The following EHMT1 variants were observed in gnomAD, a reference collection of about 807,000 sequenced individuals.
EHMT1 encodes the protein histone-lysine N-methyltransferase EHMT1.
A neutral mutation model predicts 147.2 loss-of-function variants in EHMT1; 15 were observed. The observed-to-expected ratio is 0.10, with a 90% CI of 0.07 to 0.16. EHMT1 has a LOEUF of 0.16. Ranked by LOEUF, EHMT1 falls within the 10% of genes least tolerant of loss-of-function variation. EHMT1 has a pLI of 1.00. For missense variants in EHMT1, 1,587 were observed against 1,772.4 expected, an observed-to-expected ratio of 0.90 and a Z score of 1.88; for synonymous variants, 795 against 709.6, an observed-to-expected ratio of 1.12 and a Z score of -1.91.
At chr9:137,703,437 C>T (rs577533376) in intron 1 of EHMT1, among the ~76,000 whole-genome samples, 30 of 152,302 alleles carry the variant, frequency 2.0e-4, no homozygotes, top group Admixed American at 7.8e-4. Context: ...TCTTCGTGCA[C>T]GCATGTGAGT....
intron 25 of EHMT1, among the ~76,000 whole-genome samples, chr9:137,827,978 A>G (rs1955928348): frequency 6.6e-6 from 1 of 152,140 alleles, no homozygotes; most frequent in Non-Finnish European, 1.5e-5. Flanking sequence ...AGGAGCAGCT[A>G]GGGGAGGCCG....
chr9:137,700,963 A>G (rs926006669), intron 1 of EHMT1, among the ~76,000 whole-genome samples: 1 of 152,196 alleles, frequency 6.6e-6, no homozygotes, highest in Non-Finnish European at 1.5e-5. Context: ...CTTCTGGGGA[A>G]GCCTCAAGCA....
intron 17 of EHMT1, chr9:137,800,647 T>A: frequency 1.7e-6 from 1 of 573,364 alleles, no homozygotes; most frequent in South Asian, 2.0e-5. Flanking sequence ...CGGGCAGGGT[T>A]GTTGGGCCTG....
At chr9:137,765,607 C>T (rs72766949) in intron 10 of EHMT1, among the ~76,000 whole-genome samples, 128 of 152,188 alleles carry the variant, frequency 8.4e-4, no homozygotes, top group Non-Finnish European at 1.1e-3. Flanking sequence ...TGGTAAACAC[C>T]GCCAAGGTGG....
At chr9:137,733,182 G>A (rs58445783) in intron 4 of EHMT1, among the ~76,000 whole-genome samples, 3,037 of 152,312 alleles carry the variant, frequency 0.02, 114 homozygotes, top group African/African-American at 0.069. Flanking sequence ...GAGAACATGC[G>A]TTTATGTGAC....
intron 1 of EHMT1, among the ~76,000 whole-genome samples, chr9:137,681,499 A>G (rs533319335): frequency 2.0e-5 from 3 of 152,276 alleles, no homozygotes; most frequent in African/African-American, 7.2e-5. Context: ...TTCCTTCGTT[A>G]TTTGTAGTAG....
intron 1 of EHMT1, among the ~76,000 whole-genome samples, chr9:137,670,232 C>T (rs772613326): frequency 3.3e-5 from 5 of 152,162 alleles, no homozygotes; most frequent in Non-Finnish European, 5.9e-5. Flanking sequence ...GCGCCAAACT[C>T]CTCCAAAGAT....
At chr9:137,707,162 A>G (rs1466832490) in intron 1 of EHMT1, among the ~76,000 whole-genome samples, 1 of 152,162 alleles carries the variant, frequency 6.6e-6, no homozygotes. Flanking sequence ...ATTTGTCCTT[A>G]ATCTGGAGGT....
chr9:137,754,997 T>C (rs911530738), intron 8 of EHMT1, among the ~76,000 whole-genome samples: 1 of 152,172 alleles, frequency 6.6e-6, no homozygotes. Flanking sequence ...ACAACGTGAA[T>C]GTAGGAAGGA....
In EHMT1 at chr9:137,775,680, C is replaced by T. The variant is rs1950903383; in HGVS notation, c.1791+428C>T. On this transcript the variant is annotated intron_variant, in intron 11 of 26. Transcript: ENST00000460843. The surrounding 1 kb of genome is among the most constrained non-coding windows in gnomAD (Gnocchi z 6.1). ...GACAAGGGTGTACTGAGGACATTCA[C>T]CCCCCATGATAAGGGTGTCCAGAGC... Among the ~76,000 whole-genome samples the T allele has an allele frequency of 1.3e-5, 2 of 151,904 alleles. No individual in the cohort carries two copies. The highest frequency in any genetic ancestry group is 2.1e-4 in the South Asian group (1 of 4,822).
intron 1 of EHMT1, chr9:137,674,823 G>A (rs1254042048): frequency 4.6e-5 from 7 of 152,260 alleles, no homozygotes; most frequent in Non-Finnish European, 8.8e-5. Context: ...CATAGTTGGA[G>A]AGTCGCGGGA....
intron 1 of EHMT1, among the ~76,000 whole-genome samples, chr9:137,699,674 CAAA>C (rs34626207): frequency 2.2e-4 from 28 of 129,996 alleles, no homozygotes; most frequent in Admixed American, 3.0e-4. Context: ...GACTCTGTCT[CAAA>C]AAAAAAAAAA....
In EHMT1 at chr9:137,711,048, C is replaced by T. The variant is rs1450312496; in HGVS notation, c.85+18C>T. Reference sequence around the variant, plus strand: ...GGGAGAAGGTGAGGGCGGTGTGCACCGAGGGACAGGAGCAGCGCCTCCCTC... The same window carrying T: ...GGGAGAAGGTGAGGGCGGTGTGCACTGAGGGACAGGAGCAGCGCCTCCCTC... On this transcript the variant is annotated intron_variant, in intron 2 of 26. Transcript: ENST00000460843. 8 of 1,580,960 alleles carry T rather than the reference C, an allele frequency of 5.1e-6. No homozygotes were observed. The highest frequency in any genetic ancestry group is 2.7e-5 in the African/African-American group (2 of 74,338).
At chr9:137,743,108 G>A (rs1948245371) in intron 4 of EHMT1, 9 of 453,404 alleles carry the variant, frequency 2.0e-5, no homozygotes, top group Middle Eastern at 6.5e-4. Flanking sequence ...AAGGTGGGGT[G>A]ATAATGTTTG....
At position 137,725,313 on chromosome 9, in the gene EHMT1, G is replaced by T. The variant is rs575842837; in HGVS notation, c.643-3036G>T. ...GTGGCCTTCGTGTGGCAGACATGTG[G>T]CCTTCGTGGGGCTTTCAGTGTTCCG... On this transcript the variant is annotated intron_variant, in intron 3 of 26. Transcript: ENST00000460843. Among the ~76,000 whole-genome samples, 8 of 152,290 alleles carry T rather than the reference G, an allele frequency of 5.3e-5. No individual in the cohort carries two copies. The South Asian group carries it at 1.2e-3, about 24-fold the overall frequency.
intron 10 of EHMT1, among the ~76,000 whole-genome samples, chr9:137,770,093 T>C (rs1166965228): frequency 6.6e-6 from 1 of 152,214 alleles, no homozygotes; most frequent in Non-Finnish European, 1.5e-5. Flanking sequence ...CGCCTCGGCC[T>C]CCCAAAGTGC....
intron 15 of EHMT1, 118 bp from the exon 16 acceptor site, chr9:137,790,730 T>A (rs1356840594): frequency 4.3e-6 from 6 of 1,409,444 alleles, no homozygotes; most frequent in Non-Finnish European, 6.0e-6. Flanking sequence ...TCAGACATTG[T>A]TGGTCACTGA....
intron 1 of EHMT1, among the ~76,000 whole-genome samples, chr9:137,630,260 G>A (rs903186094): frequency 6.6e-6 from 1 of 152,176 alleles, no homozygotes; most frequent in Non-Finnish European, 1.5e-5. Flanking sequence ...ATTGATCCCT[G>A]ATGTTACAAA....
At chr9:137,768,233 T>C (rs186079910) in intron 10 of EHMT1, among the ~76,000 whole-genome samples, 3 of 152,300 alleles carry the variant, frequency 2.0e-5, no homozygotes, top group African/African-American at 4.8e-5. Context: ...TAAGTTGATA[T>C]ATTTAGATTA....
Sources: gnomAD v4.1 joint callset for allele counts (sites outside exome capture counted in the v4.1 genomes callset) on GRCh38, gnomAD v4.1.1 for gene constraint, Gnocchi (gnomAD v3.1) non-coding constraint, MANE v1.5 for transcripts, NCBI Gene and HGNC (gene_info 2026-07-23, HGNC 2026-07-21) for gene names.